The following PHF3 variants were observed in gnomAD, a reference collection of about 807,000 sequenced individuals.
The protein encoded by PHF3 is PHD finger protein 3.
A neutral mutation model predicts 178.4 loss-of-function variants in PHF3; 41 were observed. The observed-to-expected ratio is 0.23, with a 90% CI of 0.18 to 0.30. The LOEUF is 0.30. Among genes scored for constraint, PHF3 ranks in the 10% least tolerant of loss-of-function variants. The pLI is 1.00. For synonymous variants in PHF3, 842 were observed against 800.5 expected (o/e 1.05, Z -0.88); for missense variants, 2,346 against 2,398.1 (o/e 0.98, Z 0.45).
chr6:63,666,953 T>G (rs1266850244), intron 2 of PHF3, among the ~76,000 whole-genome samples: 2 of 152,134 alleles, frequency 1.3e-5, no homozygotes, highest in African/African-American at 2.4e-5. Context: ...CATTTCACCG[T>G]GTTTGCCAGG....
At position 63,720,653 on chromosome 6, in the gene PHF3, T is replaced by A. The variant is rs2149623454; in HGVS notation, c.*6945T>A. ...AAACATTGTATCCTTCTAATTTAATTAGTTCAATGTTTTTTGGTTCCTGAA... is the reference window on the plus strand; with the variant it reads ...AAACATTGTATCCTTCTAATTTAATAAGTTCAATGTTTTTTGGTTCCTGAA... On this transcript the variant is annotated 3_prime_UTR_variant, in exon 16 of 16. Coordinates refer to ENST00000262043, the MANE Select transcript of PHF3 (RefSeq NM_001370348.2). 2 of 1,532,416 alleles carry A rather than the reference T, an allele frequency of 1.3e-6. No individual in the cohort carries two copies. Among genetic ancestry groups the A allele is most frequent in the Non-Finnish European group, 1.8e-6 (2 of 1,137,734 alleles). 94.9% of individuals were successfully genotyped at this position (1,532,416 alleles called of 1,614,324 possible). A position where few individuals can be genotyped will look rare whatever the true frequency, so the allele number is the denominator to read the frequency against.
intron 4 of PHF3, among the ~76,000 whole-genome samples, chr6:63,688,169 G>A (rs1226049908): frequency 4.2e-5 from 5 of 118,352 alleles, no homozygotes; most frequent in African/African-American, 3.3e-5. Flanking sequence ...CTGGGTGACA[G>A]AGCAAGACTC....
chr6:63,646,541 C>A lies in PHF3; in HGVS notation c.-11C>A. 1 of 1,602,524 alleles carries A rather than the reference C, an allele frequency of 6.2e-7. No homozygotes were observed. The highest frequency in any genetic ancestry group is 8.5e-7 in the Non-Finnish European group (1 of 1,172,712). On this transcript the variant is annotated 5_prime_UTR_variant, in exon 2 of 16. Coordinates refer to ENST00000262043, the MANE Select transcript of PHF3 (RefSeq NM_001370348.2). ...TCTTTCTATAGGGCTGAAAGACACA[C>A]AGAAGTCTTCATGGATATAGTTGAT...
In PHF3 at chr6:63,715,739, TTGAC is replaced by T. The variant is rs1473702124; in HGVS notation, c.*2035_*2038del. On this transcript the variant is annotated 3_prime_UTR_variant, in exon 16 of 16. Coordinates refer to ENST00000262043, the MANE Select transcript of PHF3 (RefSeq NM_001370348.2). ...TAGAGGCAGATCTTGTAACCGCTGA[TTGAC>T]TGAAACATTTTATGGAGAATAGGGA... Among the ~76,000 whole-genome samples the T allele has an allele frequency of 6.6e-6, 1 of 152,098 alleles. No individual in the cohort carries two copies. Among genetic ancestry groups the T allele is most frequent in the Non-Finnish European group, 1.5e-5 (1 of 68,002 alleles).
In PHF3 at chr6:63,713,276, C is replaced by T; in HGVS notation, c.5688C>T (p.Arg1896=). Residue 1896 remains arginine (R), a synonymous_variant, in exon 16 of 16, where the codon CGC becomes CGT. Coordinates refer to ENST00000262043, the MANE Select transcript of PHF3 (RefSeq NM_001370348.2). The part of the protein sequence containing the change: ...QVKDIRRPER[R]HSDPWGRQDQ... ...AAGACATTCGGAGGCCAGAAAGGCG[C>T]CATAGTGACCCTTGGGGTAGGCAAG... is the stretch of plus-strand genomic sequence containing the variant. 4 of 1,613,922 alleles carry T rather than the reference C, an allele frequency of 2.5e-6. No homozygotes were observed. Among genetic ancestry groups the T allele is most frequent in the Non-Finnish European group, 3.4e-6 (4 of 1,179,968 alleles).
chr6:63,648,549 T>C lies in PHF3; in HGVS notation c.244+1754T>C, dbSNP rs150162162. Among the ~76,000 whole-genome samples, 576 of 152,308 alleles carry C rather than the reference T, an allele frequency of 3.8e-3. 3 individuals carry two copies. Among genetic ancestry groups the C allele is most frequent in the Non-Finnish European group, 6.9e-3 (471 of 68,016 alleles). ...CTACTTCCTGTCCTTTTTTAAAAAT[T>C]GATTTCTGTTGATAATGAAAAGTTT... is the stretch of plus-strand genomic sequence containing the variant. On this transcript the variant is annotated intron_variant, in intron 2 of 15. Transcript: ENST00000262043.
In PHF3 at chr6:63,720,746, C is replaced by T. The variant is rs957507133; in HGVS notation, c.*7038C>T. 7.6e-5 allele frequency: 118 copies of T among 1,549,824 alleles called. No individual in the cohort carries two copies. The highest frequency in any genetic ancestry group is 9.7e-5 in the Non-Finnish European group (111 of 1,146,194). On this transcript the variant is annotated 3_prime_UTR_variant, in exon 16 of 16. Coordinates refer to ENST00000262043, the MANE Select transcript of PHF3 (RefSeq NM_001370348.2). Reference sequence around the variant, plus strand: ...AAATCTCTTGAGTAACGATATTTACCTTTCTACCATATTCAAAGCCCCCTA... The same window carrying T: ...AAATCTCTTGAGTAACGATATTTACTTTTCTACCATATTCAAAGCCCCCTA...
In PHF3 at chr6:63,652,857, T is replaced by TTCTGG. The variant is rs575384449; in HGVS notation, c.244+6063_244+6067dup. Among the ~76,000 whole-genome samples, 558 of 152,226 alleles carry TTCTGG rather than the reference T, an allele frequency of 3.7e-3. 3 individuals carry two copies. The highest frequency in any genetic ancestry group is 6.8e-3 in the Middle Eastern group (2 of 294). ...GTTGGTTATAAATATGTGGATTCAT[T>TTCTGG]TCTGGGTTTCTTTTTCTGTTCCATT... On this transcript the variant is annotated intron_variant, in intron 2 of 15. Coordinates refer to ENST00000262043, the MANE Select transcript of PHF3 (RefSeq NM_001370348.2).
chr6:63,661,779 T>G (rs1021095285), intron 2 of PHF3, among the ~76,000 whole-genome samples: 2 of 152,224 alleles, frequency 1.3e-5, no homozygotes, highest in African/African-American at 4.8e-5. Context: ...TTTTGTTTTC[T>G]TTTGCCCTAT....
rs767226434 is a variant in PHF3 at position 63,712,255 on chromosome 6, C to T, written c.4667C>T (p.Thr1556Met). The change falls in exon 16 of 16, where the codon ACG becomes ATG. Residue 1556 changes from threonine (T) to methionine (M), a missense_variant. Transcript: ENST00000262043. ...TCTTCCATTTCTGCAGGGTCTTTGACGAGTCTTAGTCTCAGAGGTAAGCCA... is the reference window on the plus strand; with the variant it reads ...TCTTCCATTTCTGCAGGGTCTTTGATGAGTCTTAGTCTCAGAGGTAAGCCA... Reference protein sequence around the residue: ...GSSSISAGSLTSLSLRGKPPD... With the variant: ...GSSSISAGSLMSLSLRGKPPD... The T allele has an allele frequency of 8.1e-6, 13 of 1,613,816 alleles. No individual in the cohort carries two copies. The highest frequency in any genetic ancestry group is 1.0e-5 in the Non-Finnish European group (12 of 1,179,918).
rs371730720 is a variant in PHF3 at position 63,684,456 on chromosome 6, A to G, written c.734A>G (p.Glu245Gly). ...DSKHKCNNPG[E>G]IDVPSHELNC... ...AAGCATAAGTGTAATAATCCGGGAG[A>G]AATAGATGTGCCATCTCATGAATTA... is the stretch of plus-strand genomic sequence containing the variant. The change falls in exon 4 of 16, where the codon GAA becomes GGA. Residue 245 changes from glutamate (E) to glycine (G), a missense_variant. Coordinates refer to ENST00000262043, the MANE Select transcript of PHF3 (RefSeq NM_001370348.2). 3.7e-6 allele frequency: 6 copies of G among 1,613,808 alleles called. No homozygotes were observed. The highest frequency in any genetic ancestry group is 8.5e-7 in the Non-Finnish European group (1 of 1,179,702).
At chr6:63,653,074 AT>A (rs200115175) in intron 2 of PHF3, among the ~76,000 whole-genome samples, 103 of 35,368 alleles carry the variant, frequency 2.9e-3, no homozygotes, top group African/African-American at 0.012. Flanking sequence ...GGTTTTGGGG[AT>A]TTTTTTTTCT....
intron 2 of PHF3, among the ~76,000 whole-genome samples, chr6:63,679,427 A>T (rs925978539): frequency 1.4e-4 from 21 of 151,756 alleles, no homozygotes; most frequent in Non-Finnish European, 3.1e-4. Flanking sequence ...CATTTGGGGG[A>T]AGGGGAAGTT....
rs1467777913 is a variant in PHF3 at position 63,714,472 on chromosome 6, G to C, written c.*764G>C. Reference sequence around the variant, plus strand: ...CTCACCTATTTTGTGTGTGTGACTTGAAATTCAGTAGTAAAAGAATTTCTT... The same window carrying C: ...CTCACCTATTTTGTGTGTGTGACTTCAAATTCAGTAGTAAAAGAATTTCTT... On this transcript the variant is annotated 3_prime_UTR_variant, in exon 16 of 16. Transcript: ENST00000262043. 6.6e-6 allele frequency: 1 copy of C among 152,446 alleles called. No homozygotes were observed. The highest frequency in any genetic ancestry group is 2.4e-5 in the African/African-American group (1 of 41,396). The allele number at this position is 152,446 out of a possible 1,614,324, so 9.4% of individuals were successfully genotyped here. A position where few individuals can be genotyped will look rare whatever the true frequency, so the allele number is the denominator to read the frequency against.
intron 3 of PHF3, among the ~76,000 whole-genome samples, chr6:63,683,233 T>C (rs1766516609): frequency 6.6e-6 from 1 of 152,002 alleles, no homozygotes; most frequent in Admixed American, 6.6e-5. Context: ...GAGCAACACC[T>C]GGACATTTAC....
At chr6:63,675,435 T>C (rs1280504860) in intron 2 of PHF3, among the ~76,000 whole-genome samples, 2 of 152,130 alleles carry the variant, frequency 1.3e-5, no homozygotes, top group Non-Finnish European at 2.9e-5. Flanking sequence ...AAAATGAGAA[T>C]GGCACCTAGT....
intron 6 of PHF3, among the ~76,000 whole-genome samples, chr6:63,695,325 T>G (rs2149595378): frequency 6.6e-6 from 1 of 152,248 alleles, no homozygotes; most frequent in East Asian, 1.9e-4. Context: ...GAAGATGAGT[T>G]CAGAGAAAAT....
intron 2 of PHF3, among the ~76,000 whole-genome samples, chr6:63,651,212 C>T (rs1426587153): frequency 6.6e-6 from 1 of 152,078 alleles, no homozygotes. Context: ...TATTTATCAG[C>T]TCAAATATTT....
chr6:63,638,323 G>A (rs967320496), intron 1 of PHF3, among the ~76,000 whole-genome samples: 1 of 151,964 alleles, frequency 6.6e-6, no homozygotes, highest in African/African-American at 2.4e-5. Context: ...ATAGTATAAG[G>A]CCTACTTGGA....
Sources: gnomAD v4.1 joint callset for allele counts (sites outside exome capture counted in the v4.1 genomes callset) on GRCh38, gnomAD v4.1.1 for gene constraint, MANE v1.5 for transcripts, NCBI Gene and HGNC (gene_info 2026-07-23, HGNC 2026-07-21) for gene names.